The following KCNMA1 variants were observed in gnomAD, a reference collection of about 807,000 sequenced individuals.
KCNMA1 encodes Calcium-activated potassium channel subunit alpha-1.
KCNMA1 carries 29 observed loss-of-function variants against 140.0 expected under a neutral mutation model. That is an observed-to-expected ratio of 0.21 (90% CI 0.15 to 0.28). KCNMA1 has a LOEUF of 0.28. Among genes scored for constraint, KCNMA1 ranks in the 10% least tolerant of loss-of-function variants. The pLI, the probability that KCNMA1 is intolerant of heterozygous loss-of-function variation, is 1.00. For synonymous variants in KCNMA1, 612 were observed against 611.9 expected (o/e 1.00, Z 0.00); for missense variants, 880 against 1,602.2 (o/e 0.55, Z 7.70).
intron 2 of KCNMA1, among the ~76,000 whole-genome samples, chr10:77,282,135 AG>A (rs1336583248): frequency 6.6e-6 from 1 of 152,154 alleles, no homozygotes; most frequent in African/African-American, 2.4e-5. Context: ...CTTTCTCCCC[AG>A]CTTTTTCCCA....
intron 3 of KCNMA1, among the ~76,000 whole-genome samples, chr10:77,248,227 G>A (rs1003122965): frequency 2.0e-5 from 3 of 152,152 alleles, no homozygotes; most frequent in Non-Finnish European, 2.9e-5. Context: ...GGCCTGCCTC[G>A]AGACATAGCT....
intron 2 of KCNMA1, among the ~76,000 whole-genome samples, chr10:77,287,688 G>A (rs1359639129): frequency 6.6e-6 from 1 of 152,164 alleles, no homozygotes; most frequent in Non-Finnish European, 1.5e-5. Flanking sequence ...AGGTTTCCTG[G>A]CATGGGATGG....
chr10:77,341,111 A>AC (rs2090806148), intron 2 of KCNMA1, among the ~76,000 whole-genome samples: 1 of 152,166 alleles, frequency 6.6e-6, no homozygotes. Context: ...TAACTCCTCC[A>AC]CAAAAGCTGT....
intron 2 of KCNMA1, among the ~76,000 whole-genome samples, chr10:77,402,748 G>A (rs2096314939): frequency 1.3e-5 from 2 of 152,150 alleles, no homozygotes; most frequent in African/African-American, 4.8e-5. Flanking sequence ...CAGAGATAAT[G>A]ACTGTTTTCC....
At chr10:77,419,406 T>TG (rs2096821430) in intron 1 of KCNMA1, among the ~76,000 whole-genome samples, 1 of 152,080 alleles carries the variant, frequency 6.6e-6, no homozygotes, top group South Asian at 2.1e-4. Context: ...AAAGGTCAGG[T>TG]GGTTACCTGA....
At position 77,110,261 on chromosome 10, in the gene KCNMA1, A is replaced by G. The variant is rs377041486; in HGVS notation, c.1043T>C (p.Val348Ala). ...TYWECVYLLM[V>A]TMSTVGYGDV... ...CCCATAACCAACGGTGGACATTGTGACCATGAGTAAATAGACACATTCCCA... is the reference window on the plus strand; with the variant it reads ...CCCATAACCAACGGTGGACATTGTGGCCATGAGTAAATAGACACATTCCCA... The change falls in exon 8 of 28, where the codon GTC becomes GCC. Residue 348 changes from valine (V) to alanine (A), a missense_variant. Around this residue, in one of 13 missense-constraint regions of KCNMA1, gnomAD observed 198 missense variants for 580.1 expected, o/e 0.34. Coordinates refer to ENST00000286628, the MANE Select transcript of KCNMA1 (RefSeq NM_001161352.2). The G allele has an allele frequency of 6.2e-7, 1 of 1,613,936 alleles. No individual in the cohort carries two copies. The highest frequency in any genetic ancestry group is 1.3e-5 in the African/African-American group (1 of 75,052).
At chr10:77,296,545 C>G (rs1334721519) in intron 2 of KCNMA1, among the ~76,000 whole-genome samples, 1 of 152,152 alleles carries the variant, frequency 6.6e-6, no homozygotes, top group South Asian at 2.1e-4. Flanking sequence ...GGGGGACCAT[C>G]AGCCATGCTT....
At chr10:77,366,544 T>C (rs1336948616) in intron 2 of KCNMA1, among the ~76,000 whole-genome samples, 1 of 152,210 alleles carries the variant, frequency 6.6e-6, no homozygotes, top group African/African-American at 2.4e-5. Flanking sequence ...CAAATTGCAA[T>C]AACATTAAGA....
chr10:77,142,507 A>G (rs1400958081), intron 5 of KCNMA1, among the ~76,000 whole-genome samples: 1 of 152,236 alleles, frequency 6.6e-6, no homozygotes, highest in Non-Finnish European at 1.5e-5. Flanking sequence ...AATGTGACAT[A>G]CATACGCAAA....
chr10:77,426,711 T>G (rs2097005575), intron 1 of KCNMA1, among the ~76,000 whole-genome samples: 2 of 152,208 alleles, frequency 1.3e-5, no homozygotes, highest in African/African-American at 4.8e-5. Context: ...ATAGAGCCAG[T>G]CAGAGTGAGT....
At chr10:77,596,639 G>A (rs2253201) in intron 1 of KCNMA1, among the ~76,000 whole-genome samples, 135,275 of 151,930 alleles carry the variant, frequency 0.89, 60,506 homozygotes, top group Middle Eastern at 0.96. Flanking sequence ...TGCTACGGGA[G>A]CACAATCCAA....
At chr10:77,473,116 A>G (rs1440803210) in intron 1 of KCNMA1, among the ~76,000 whole-genome samples, 2 of 152,144 alleles carry the variant, frequency 1.3e-5, no homozygotes, top group East Asian at 1.9e-4. Context: ...CCTAGTCTCC[A>G]TCTTTCTCCT....
At chr10:77,490,656 T>G (rs1020829276) in intron 1 of KCNMA1, among the ~76,000 whole-genome samples, 1 of 152,194 alleles carries the variant, frequency 6.6e-6, no homozygotes, top group Non-Finnish European at 1.5e-5. Context: ...CATTTAGCAG[T>G]TGAAAAGAAA....
chr10:77,048,745 CT>C (rs1319369298), intron 14 of KCNMA1, among the ~76,000 whole-genome samples: 8 of 152,176 alleles, frequency 5.3e-5, no homozygotes, highest in Non-Finnish European at 1.2e-4. Context: ...AATTGTAAAT[CT>C]CCAAGAGGAG....
intron 2 of KCNMA1, among the ~76,000 whole-genome samples, chr10:77,319,584 T>C (rs2081779598): frequency 6.6e-6 from 1 of 152,214 alleles, no homozygotes; most frequent in South Asian, 2.1e-4. Flanking sequence ...TATTCACAAA[T>C]ACTCCTATTA....
At chr10:77,511,635 G>A (rs1241908060) in intron 1 of KCNMA1, among the ~76,000 whole-genome samples, 2 of 152,084 alleles carry the variant, frequency 1.3e-5, no homozygotes, top group African/African-American at 2.4e-5. Context: ...GGGAATGCCT[G>A]GCATCTAGTA....
chr10:77,179,983 G>A (rs1294356962), intron 5 of KCNMA1, among the ~76,000 whole-genome samples: 2 of 152,150 alleles, frequency 1.3e-5, no homozygotes, highest in Non-Finnish European at 2.9e-5. Context: ...ATCATATGCC[G>A]ACAATTGAAA....
At chr10:77,000,857 A>AATATATATAT (rs56359933) in intron 19 of KCNMA1, among the ~76,000 whole-genome samples, 1,414 of 35,298 alleles carry the variant, frequency 0.04, 46 homozygotes, top group Non-Finnish European at 0.053. Context: ...GTAAAAAGAA[A>AATATATATAT]ATATATATAT....
At chr10:77,298,963 G>C (rs1208129626) in intron 2 of KCNMA1, among the ~76,000 whole-genome samples, 1 of 152,220 alleles carries the variant, frequency 6.6e-6, no homozygotes, top group African/African-American at 2.4e-5. Context: ...GGGCCTCTCT[G>C]CTGAAGGAAT....
Sources: gnomAD v4.1 joint callset for allele counts (sites outside exome capture counted in the v4.1 genomes callset) on GRCh38, gnomAD v4.1.1 for gene constraint, gnomAD v4.1.1 regional missense constraint, MANE v1.5 for transcripts, NCBI Gene and HGNC (gene_info 2026-07-23, HGNC 2026-07-21) for gene names.